CDH13: variants seen among roughly 807,000 people sequenced by gnomAD.
CDH13 encodes cadherin-13.
CDH13 carries 24 observed loss-of-function variants against 63.8 expected under a neutral mutation model. The observed-to-expected ratio is 0.38, with a 90% CI of 0.27 to 0.53. The LOEUF (loss-of-function observed/expected upper bound fraction) is 0.53. CDH13 is among the 20% of genes least tolerant of loss of function. CDH13 has a pLI of 0.85. For missense variants in CDH13, 1,049 were observed against 903.1 expected, an observed-to-expected ratio of 1.16 and a Z score of -2.07; for synonymous variants, 503 against 355.3, an observed-to-expected ratio of 1.42 and a Z score of -4.67.
intron 1 of CDH13, among the ~76,000 whole-genome samples, chr16:82,852,817 C>A (rs762075581): frequency 7.2e-5 from 11 of 152,202 alleles, no homozygotes; most frequent in Non-Finnish European, 1.3e-4. Context: ...TGATGACAGA[C>A]TTCTCTGGCT....
chr16:83,401,073 G>C (rs1428253769), intron 6 of CDH13, among the ~76,000 whole-genome samples: 1 of 152,132 alleles, frequency 6.6e-6, no homozygotes, highest in Non-Finnish European at 1.5e-5. Flanking sequence ...AAATGCAGTG[G>C]CTCACACCTA....
intron 7 of CDH13, among the ~76,000 whole-genome samples, chr16:83,528,099 T>C (rs377101582): frequency 1.3e-5 from 2 of 152,200 alleles, no homozygotes; most frequent in East Asian, 1.9e-4. Flanking sequence ...CTTAGCCCCA[T>C]CTGTATATCC....
chr16:83,322,823 T>G (rs559007498), intron 5 of CDH13, among the ~76,000 whole-genome samples: 2 of 152,302 alleles, frequency 1.3e-5, no homozygotes, highest in East Asian at 3.9e-4. Flanking sequence ...TAATTAATCA[T>G]TGGTGTTCAC....
chr16:83,027,132 C>A (rs1472424936), intron 2 of CDH13, among the ~76,000 whole-genome samples: 1 of 132,330 alleles, frequency 7.6e-6, no homozygotes, highest in Admixed American at 8.1e-5. Context: ...CGCCTCCAAT[C>A]CTCTACCATT....
intron 6 of CDH13, among the ~76,000 whole-genome samples, chr16:83,355,680 G>A (rs2091037698): frequency 6.6e-6 from 1 of 152,192 alleles, no homozygotes; most frequent in Non-Finnish European, 1.5e-5. Context: ...GATGGGGTTG[G>A]AGGGGGTGAA....
At chr16:83,172,706 G>A (rs995973104) in intron 4 of CDH13, among the ~76,000 whole-genome samples, 1 of 151,900 alleles carries the variant, frequency 6.6e-6, no homozygotes, top group African/African-American at 2.4e-5. Context: ...ATCAATTTCT[G>A]TTGCTTAAGC....
chr16:83,479,113 A>C (rs766273836), intron 6 of CDH13, among the ~76,000 whole-genome samples: 2 of 152,220 alleles, frequency 1.3e-5, no homozygotes, highest in Non-Finnish European at 2.9e-5. Flanking sequence ...AATGTCCACA[A>C]GACCAGAGGA....
At chr16:83,338,589 G>C (rs911571676) in intron 5 of CDH13, among the ~76,000 whole-genome samples, 1 of 152,216 alleles carries the variant, frequency 6.6e-6, no homozygotes, top group Non-Finnish European at 1.5e-5. Context: ...AAAGCAAGGA[G>C]GCTGACGCCA....
intron 1 of CDH13, among the ~76,000 whole-genome samples, chr16:82,712,658 C>G (rs568018742): frequency 2.0e-5 from 3 of 152,198 alleles, no homozygotes; most frequent in Non-Finnish European, 4.4e-5. Flanking sequence ...ATGTTTAATT[C>G]CCCTGCCCCT....
intron 1 of CDH13, among the ~76,000 whole-genome samples, chr16:82,804,336 A>C (rs2037038890): frequency 6.7e-6 from 1 of 149,044 alleles, no homozygotes; most frequent in African/African-American, 2.5e-5. Flanking sequence ...AATACAAAGA[A>C]ATACAATGAA....
intron 2 of CDH13, among the ~76,000 whole-genome samples, chr16:82,946,274 G>T (rs569147987): frequency 4.5e-4 from 69 of 152,088 alleles, no homozygotes; most frequent in African/African-American, 1.6e-3. Flanking sequence ...GGGAGGGAAG[G>T]GTGGAAGGAT....
At chr16:83,349,165 C>T (rs1443459009) in intron 6 of CDH13, among the ~76,000 whole-genome samples, 1 of 152,180 alleles carries the variant, frequency 6.6e-6, no homozygotes, top group African/African-American at 2.4e-5. Context: ...TTTGACTTTG[C>T]AGATCGTGAG....
At position 82,972,454 on chromosome 16, in the gene CDH13, C is replaced by A. The variant is rs111846136; in HGVS notation, c.158-59556C>A. On this transcript the variant is annotated intron_variant, in intron 2 of 13. Coordinates refer to ENST00000567109, the MANE Select transcript of CDH13 (RefSeq NM_001257.5). ...CCCAGCATCTCATCTCTTCTTTAGC[C>A]GAAAAACATACTGCATTAGCTGAGT... Among the ~76,000 whole-genome samples the A allele has an allele frequency of 3.9e-3, 596 of 152,206 alleles. 8 individuals are homozygous for A. Among genetic ancestry groups the A allele is most frequent in the African/African-American group, 0.014 (571 of 41,530 alleles).
chr16:83,481,644 G>A (rs1013282406), intron 6 of CDH13, among the ~76,000 whole-genome samples: 74 of 152,128 alleles, frequency 4.9e-4, no homozygotes, highest in Non-Finnish European at 5.9e-5. Flanking sequence ...AGAAAATGAC[G>A]GCCCAACTTG....
At chr16:82,982,630 C>A (rs1331695187) in intron 2 of CDH13, among the ~76,000 whole-genome samples, 2 of 152,182 alleles carry the variant, frequency 1.3e-5, no homozygotes, top group Non-Finnish European at 2.9e-5. Context: ...TCTTATCCCC[C>A]CAACTATTTG....
chr16:83,305,451 G>A (rs1181778195), intron 5 of CDH13, among the ~76,000 whole-genome samples: 1 of 152,210 alleles, frequency 6.6e-6, no homozygotes, highest in Non-Finnish European at 1.5e-5. Flanking sequence ...AGTATGTCCT[G>A]AGGTTTCCAT....
chr16:83,039,585 C>T (rs1917160795), intron 3 of CDH13, among the ~76,000 whole-genome samples: 1 of 152,100 alleles, frequency 6.6e-6, no homozygotes, highest in Admixed American at 6.6e-5. Context: ...CAGTCTCTTC[C>T]CTGCCTCCCT....
At position 83,617,448 on chromosome 16, in the gene CDH13, T is replaced by G. The variant is rs998043411; in HGVS notation, c.1101+14854T>G. Among the ~76,000 whole-genome samples the G allele has an allele frequency of 7.1e-4, 108 of 152,068 alleles. 1 individual carries two copies. Among genetic ancestry groups the G allele is most frequent in the Non-Finnish European group, 2.9e-5 (2 of 67,942 alleles). ...AATCTATTGTAATATGCACATATCC[T>G]AATAAGCACATTTTCTATTCTAATA... On this transcript the variant is annotated intron_variant, in intron 8 of 13. Coordinates refer to ENST00000567109, the MANE Select transcript of CDH13 (RefSeq NM_001257.5).
intron 5 of CDH13, among the ~76,000 whole-genome samples, chr16:83,307,504 A>C (rs1485766619): frequency 6.6e-6 from 1 of 152,132 alleles, no homozygotes; most frequent in Non-Finnish European, 1.5e-5. Flanking sequence ...CTCTCACCTC[A>C]CATTTTAAGG....
Sources: allele counts gnomAD v4.1 joint callset (sites outside exome capture counted in the v4.1 genomes callset), GRCh38; gene constraint gnomAD v4.1.1; transcripts MANE v1.5; gene names NCBI Gene and HGNC (gene_info 2026-07-23, HGNC 2026-07-21).